Variants in KCNK10 observed in about 807,000 individuals in gnomAD.
KCNK10 encodes the protein potassium channel subfamily K member 10.
KCNK10 carries 25 observed loss-of-function variants against 47.7 expected under a neutral mutation model. The ratio of observed to expected loss-of-function variants is 0.52; its 90% confidence interval spans 0.38 to 0.73. The LOEUF is 0.73. KCNK10 is among the 30% of genes least tolerant of loss of function. KCNK10 has a pLI of 0.00. For synonymous variants in KCNK10, 303 were observed against 285.6 expected, an observed-to-expected ratio of 1.06 and a Z score of -0.61; for missense variants, 563 against 714.5, an observed-to-expected ratio of 0.79 and a Z score of 2.42.
At position 88,227,417 on chromosome 14, in the gene KCNK10, G is replaced by A. The variant is rs1886021790; in HGVS notation, c.639C>T (p.Thr213=). 6.2e-7 allele frequency: 1 copy of A among 1,613,320 alleles called. No individual in the cohort carries two copies. Among genetic ancestry groups the A allele is most frequent in the Non-Finnish European group, 8.5e-7 (1 of 1,179,752 alleles). The change falls in exon 4 of 7, where the codon ACC becomes ACT. Residue 213 remains threonine (T), a synonymous_variant. Coordinates refer to ENST00000319231, the MANE Select transcript of KCNK10 (RefSeq NM_138317.3). ...CTCTTGCAATGCTTTTCCCAAAGAT[G>A]GTTCCAAGTTGGTCTCCAATTCCAG... ...LLAGIGDQLG[T]IFGKSIARVE... is the part of the protein sequence containing the mutation.
intron 1 of KCNK10, among the ~76,000 whole-genome samples, chr14:88,278,697 TTCA>T (rs1223939644): frequency 6.6e-6 from 1 of 152,194 alleles, no homozygotes; most frequent in African/African-American, 2.4e-5. Context: ...CAGAATTTAA[TTCA>T]TCAATACACT....
chr14:88,188,261 G>A, intron 5 of KCNK10, 152 bp from the exon 6 acceptor site: 1 of 902,858 alleles, frequency 1.1e-6, no homozygotes, highest in Non-Finnish European at 1.7e-6. Context: ...GGGGTTAGAG[G>A]GCAAGGGGGG....
intron 4 of KCNK10, among the ~76,000 whole-genome samples, chr14:88,221,679 C>G (rs1257609340): frequency 6.6e-6 from 1 of 152,170 alleles, no homozygotes; most frequent in Non-Finnish European, 1.5e-5. Flanking sequence ...ACCATCCAAT[C>G]CAGTCATCAC....
At chr14:88,188,167 C>T in intron 5 of KCNK10, 58 bp from the exon 6 acceptor site, 2 of 1,561,218 alleles carry the variant, frequency 1.3e-6, no homozygotes, top group East Asian at 2.2e-5. Context: ...TTGCAGAGAA[C>T]ACATATTCCA....
intron 2 of KCNK10, 47 bp from the exon 3 acceptor site, chr14:88,240,867 A>T (rs200974385): frequency 2.3e-4 from 247 of 1,057,966 alleles, no homozygotes; most frequent in South Asian, 8.1e-4. Flanking sequence ...AAAGTTGTTT[A>T]TTTTTTTTTT....
intron 3 of KCNK10, chr14:88,235,176 G>A (rs768631934): frequency 5.0e-5 from 23 of 456,658 alleles, no homozygotes; most frequent in South Asian, 3.4e-4. Flanking sequence ...AGAGAGTTAG[G>A]ATGTGCTGTC....
At chr14:88,315,397 A>G (rs1396578267) in intron 1 of KCNK10, among the ~76,000 whole-genome samples, 1 of 152,080 alleles carries the variant, frequency 6.6e-6, no homozygotes, top group Admixed American at 6.5e-5. Context: ...CCTCCCATCA[A>G]TTTTTCTTAA....
At chr14:88,321,356 C>T (rs1015666181) in intron 1 of KCNK10, among the ~76,000 whole-genome samples, 1 of 152,212 alleles carries the variant, frequency 6.6e-6, no homozygotes, top group Admixed American at 6.5e-5. Flanking sequence ...CTCTGATGCT[C>T]TCCCTGGAGC....
In KCNK10 at chr14:88,212,440, CAAAAAAAGAAA is replaced by C. The variant is rs1160342526; in HGVS notation, c.681+14924_681+14934del. On this transcript the variant is annotated intron_variant, in intron 4 of 6. Coordinates refer to ENST00000319231, the MANE Select transcript of KCNK10 (RefSeq NM_138317.3). Reference sequence around the variant, plus strand: ...GGGCAACAAGAGCAAAACTCCATCTCAAAAAAAGAAAAAAAAAAGATACTATAGATACTATG... The same window carrying C: ...GGGCAACAAGAGCAAAACTCCATCTCAAAAAAAGATACTATAGATACTATG... Among the ~76,000 whole-genome samples the C allele has an allele frequency of 2.4e-4, 36 of 149,176 alleles. 1 individual carries two copies. The highest frequency in any genetic ancestry group is 2.4e-3 in the Admixed American group (36 of 15,060).
upstream of KCNK10, chr14:88,326,748 A>G: frequency 2.4e-6 from 1 of 412,744 alleles, no homozygotes. Flanking sequence ...TTGCCCCACC[A>G]CTTTAATGAA....
Position 88,263,366 on chromosome 14 carries a change from T to C in KCNK10, c.238A>G (p.Ile80Val), listed in dbSNP as rs755613399. 3.7e-6 allele frequency: 6 copies of C among 1,613,786 alleles called. No homozygotes were observed. The African/African-American group carries it at 6.7e-5, about 18-fold the overall frequency. ...TVMKWKTVVA[I>V]FVVVVVYLVT... ...AGGTAGACCACCACAACCACAAAGA[T>C]GGCAACCACCGTCTTCCACTTCATG... Residue 80 changes from isoleucine (I) to valine (V), a missense_variant, in exon 2 of 7, where the codon ATC becomes GTC. Physicochemically the swap from Ile to Val is conservative, Grantham distance 29. Transcript: ENST00000319231.
chr14:88,241,502 A>G (rs1428693093), intron 2 of KCNK10, among the ~76,000 whole-genome samples: 1 of 143,404 alleles, frequency 7.0e-6, no homozygotes, highest in Non-Finnish European at 1.6e-5. Flanking sequence ...CCACCCCCAC[A>G]CCACACACAC....
intron 1 of KCNK10, among the ~76,000 whole-genome samples, chr14:88,266,334 A>G (rs1283405642): frequency 1.3e-5 from 2 of 152,154 alleles, no homozygotes; most frequent in African/African-American, 4.8e-5. Flanking sequence ...ACACCTTTGC[A>G]GGTGTTGTCC....
intron 2 of KCNK10, among the ~76,000 whole-genome samples, chr14:88,248,441 A>C (rs1246036290): frequency 6.6e-6 from 1 of 152,166 alleles, no homozygotes; most frequent in Non-Finnish European, 1.5e-5. Context: ...TTAAGATTTC[A>C]TTTCCAGCTG....
intron 2 of KCNK10, among the ~76,000 whole-genome samples, chr14:88,250,542 A>G (rs897519394): frequency 6.6e-6 from 1 of 152,190 alleles, no homozygotes; most frequent in African/African-American, 2.4e-5. Context: ...CAGGGCAGAC[A>G]AACAGAGGGC....
chr14:88,313,085 G>A (rs1336686699), intron 1 of KCNK10, among the ~76,000 whole-genome samples: 1 of 152,152 alleles, frequency 6.6e-6, no homozygotes, highest in Non-Finnish European at 1.5e-5. Context: ...ACAGACTCGG[G>A]TTCAAGTCGT....
chr14:88,320,123 G>T (rs1254333064), intron 1 of KCNK10, among the ~76,000 whole-genome samples: 2 of 152,126 alleles, frequency 1.3e-5, no homozygotes, highest in African/African-American at 4.8e-5. Flanking sequence ...GCAGATTAGT[G>T]GTGTCATGAT....
intron 2 of KCNK10, among the ~76,000 whole-genome samples, chr14:88,241,884 C>T (rs1031877298): frequency 3.9e-5 from 6 of 152,180 alleles, no homozygotes; most frequent in Non-Finnish European, 5.9e-5. Flanking sequence ...GAAAAAACTC[C>T]GTAGCAGTTC....
chr14:88,224,672 C>T (rs143145309), intron 4 of KCNK10, among the ~76,000 whole-genome samples: 11 of 152,300 alleles, frequency 7.2e-5, no homozygotes, highest in East Asian at 1.9e-4. Flanking sequence ...TGCAGTGGCA[C>T]GATCTCAACT....
Sources: gnomAD v4.1 joint callset for allele counts (sites outside exome capture counted in the v4.1 genomes callset) on GRCh38, gnomAD v4.1.1 for gene constraint, MANE v1.5 for transcripts, NCBI Gene and HGNC (gene_info 2026-07-23, HGNC 2026-07-21) for gene names.